DLGAP2: variants seen among roughly 807,000 people sequenced by gnomAD.
DLGAP2 encodes disks large-associated protein 2.
DLGAP2 carries 26 observed loss-of-function variants against 100.3 expected under a neutral mutation model. The observed-to-expected ratio is 0.26, with a 90% CI of 0.19 to 0.36. The LOEUF (loss-of-function observed/expected upper bound fraction) is 0.36. Ranked by LOEUF, DLGAP2 falls within the 10% of genes least tolerant of loss-of-function variation. DLGAP2 has a pLI of 1.00. For synonymous variants in DLGAP2, 886 were observed against 630.1 expected, an observed-to-expected ratio of 1.41 and a Z score of -6.08; for missense variants, 1,858 against 1,453.2, an observed-to-expected ratio of 1.28 and a Z score of -4.53.
At chr8:1,523,322 A>G (rs535050652) in intron 4 of DLGAP2, among the ~76,000 whole-genome samples, 1 of 152,334 alleles carries the variant, frequency 6.6e-6, no homozygotes, top group East Asian at 1.9e-4. Flanking sequence ...ACGACAGAGA[A>G]CAGCGTCACG....
chr8:1,358,737 A>G (rs1391857026), intron 3 of DLGAP2, among the ~76,000 whole-genome samples: 1 of 137,196 alleles, frequency 7.3e-6, no homozygotes. Context: ...CTGCGCAGAC[A>G]GGGGCAACCC....
chr8:1,209,220 C>G (rs904418446), intron 2 of DLGAP2, among the ~76,000 whole-genome samples: 1 of 152,162 alleles, frequency 6.6e-6, no homozygotes, highest in African/African-American at 2.4e-5. Context: ...AAGAACGAAT[C>G]TGGAGGCATC....
At chr8:1,201,479 G>C (rs1177358249) in intron 2 of DLGAP2, among the ~76,000 whole-genome samples, 2 of 152,228 alleles carry the variant, frequency 1.3e-5, no homozygotes, top group African/African-American at 4.8e-5. Flanking sequence ...AGAGCCTCCA[G>C]AAGGAAGCCA....
chr8:938,985 G>T (rs1436809725), intron 2 of DLGAP2, among the ~76,000 whole-genome samples: 2 of 152,250 alleles, frequency 1.3e-5, no homozygotes, highest in African/African-American at 4.8e-5. Context: ...AGAAACCTCT[G>T]CAGGCAACCT....
At chr8:842,751 T>C (rs183946755) in intron 1 of DLGAP2, among the ~76,000 whole-genome samples, 50 of 152,334 alleles carry the variant, frequency 3.3e-4, no homozygotes, top group African/African-American at 1.2e-3. Context: ...TTTTTCAACC[T>C]TATATTTTTC....
intron 3 of DLGAP2, among the ~76,000 whole-genome samples, chr8:1,352,792 A>G (rs984950904): frequency 1.3e-5 from 2 of 151,644 alleles, no homozygotes; most frequent in African/African-American, 2.4e-5. Flanking sequence ...CTTGGATGCC[A>G]CTCCCCAGCC....
At chr8:741,594 G>T (rs1820487348) in intron 1 of DLGAP2, among the ~76,000 whole-genome samples, 1 of 152,178 alleles carries the variant, frequency 6.6e-6, no homozygotes, top group South Asian at 2.1e-4. Context: ...CTTAGTTCTG[G>T]AAGTGTCCTG....
chr8:1,587,678 C>T (rs568187382), intron 6 of DLGAP2, among the ~76,000 whole-genome samples: 1 of 152,242 alleles, frequency 6.6e-6, no homozygotes, highest in African/African-American at 2.4e-5. Flanking sequence ...GATAGGGTTA[C>T]TATTAAAAAT....
intron 1 of DLGAP2, among the ~76,000 whole-genome samples, chr8:859,859 G>A (rs12680727): frequency 0.073 from 11,101 of 152,212 alleles, 490 homozygotes; most frequent in Admixed American, 0.11. Context: ...ATGGAAGACG[G>A]AAGACGTGGC....
intron 2 of DLGAP2, among the ~76,000 whole-genome samples, chr8:1,008,971 T>A (rs1801200556): frequency 6.6e-6 from 1 of 152,240 alleles, no homozygotes; most frequent in African/African-American, 2.4e-5. Context: ...GTATGCAGAA[T>A]CGCACTGCCA....
At chr8:867,227 C>T (rs1053825351) in intron 1 of DLGAP2, among the ~76,000 whole-genome samples, 1 of 152,212 alleles carries the variant, frequency 6.6e-6, no homozygotes, top group Non-Finnish European at 1.5e-5. Flanking sequence ...GCTGAGTTTT[C>T]TTTGGGTCTT....
intron 3 of DLGAP2, among the ~76,000 whole-genome samples, chr8:1,312,265 T>A (rs1188080317): frequency 1.3e-5 from 2 of 152,212 alleles, no homozygotes; most frequent in Non-Finnish European, 2.9e-5. Flanking sequence ...GGAACCCAGG[T>A]GACTTTGAGT....
chr8:879,053 G>T (rs1458954145), intron 1 of DLGAP2, among the ~76,000 whole-genome samples: 3 of 152,122 alleles, frequency 2.0e-5, no homozygotes, highest in Non-Finnish European at 2.9e-5. Context: ...AAACCAACTA[G>T]GTTGTGTGTG....
intron 2 of DLGAP2, among the ~76,000 whole-genome samples, chr8:1,128,289 A>G (rs138600982): frequency 0.15 from 15,968 of 103,704 alleles, 899 homozygotes; most frequent in East Asian, 0.31. Context: ...GTTGTGTTCC[A>G]TGAGGACCTG....
At chr8:1,139,758 C>A (rs1796488595) in intron 2 of DLGAP2, among the ~76,000 whole-genome samples, 1 of 152,080 alleles carries the variant, frequency 6.6e-6, no homozygotes. Context: ...GAGGATGGTG[C>A]CTGGCACAGG....
chr8:1,164,412 T>A (rs1458710974), intron 2 of DLGAP2, among the ~76,000 whole-genome samples: 1 of 152,030 alleles, frequency 6.6e-6, no homozygotes, highest in Non-Finnish European at 1.5e-5. Context: ...TTTTGGTTTC[T>A]CTGGAGCTGC....
intron 2 of DLGAP2, chr8:927,181 C>G: frequency 2.0e-6 from 2 of 985,350 alleles, no homozygotes; most frequent in Non-Finnish European, 2.4e-6. Flanking sequence ...GGGGAGTGTT[C>G]AGGAAAACTC....
At chr8:1,118,513 G>T (rs1761174303) in intron 2 of DLGAP2, among the ~76,000 whole-genome samples, 1 of 152,150 alleles carries the variant, frequency 6.6e-6, no homozygotes, top group Non-Finnish European at 1.5e-5. Context: ...GCAGCATCAG[G>T]AAAAGAAGCT....
chr8:1,359,593 T>C (rs1801932859), intron 3 of DLGAP2, among the ~76,000 whole-genome samples: 1 of 152,178 alleles, frequency 6.6e-6, no homozygotes, highest in Non-Finnish European at 1.5e-5. Context: ...GTGTGTGCTG[T>C]GGAGTCCCTG....
Sources: gnomAD v4.1 joint callset for allele counts (sites outside exome capture counted in the v4.1 genomes callset) on GRCh38, gnomAD v4.1.1 for gene constraint, MANE v1.5 for transcripts, NCBI Gene and HGNC (gene_info 2026-07-23, HGNC 2026-07-21) for gene names.